Variants in IGFBP7 observed in about 807,000 individuals in gnomAD.
The protein encoded by IGFBP7 is insulin-like growth factor-binding protein 7.
IGFBP7 carries 31 observed loss-of-function variants against 29.4 expected under a neutral mutation model. The ratio of observed to expected loss-of-function variants is 1.05; its 90% confidence interval spans 0.79 to 1.42. IGFBP7 has a LOEUF of 1.42. IGFBP7 is among the 40% of genes most tolerant of loss of function. The probability of loss-of-function intolerance (pLI) is 0.00; values close to 1 mark genes in which losing one functional copy is unlikely to be tolerated. For synonymous variants in IGFBP7, 172 were observed against 174.9 expected (o/e 0.98, Z 0.13); for missense variants, 393 against 395.5 (o/e 0.99, Z 0.05).
intron 1 of IGFBP7, among the ~76,000 whole-genome samples, chr4:57,083,524 C>T (rs1289216653): frequency 6.6e-6 from 1 of 152,178 alleles, no homozygotes; most frequent in African/African-American, 2.4e-5. Context: ...CTCTTGTTTA[C>T]TACAGATATT....
rs569293336 is a variant in IGFBP7 at position 57,068,173 on chromosome 4, C to T, written c.476-27240G>A. Among the ~76,000 whole-genome samples the T allele has an allele frequency of 1.1e-4, 17 of 151,774 alleles. No individual in the cohort carries two copies. In the South Asian group the frequency reaches 3.5e-3, roughly 32 times the overall value. ...TGTGTGGATGTGCATGCCTATAGTC[C>T]TAGATACTTGGGAGGCCGAGGTGGG... is the stretch of plus-strand genomic sequence containing the variant. On this transcript the variant is annotated intron_variant, in intron 1 of 4. Transcript: ENST00000295666.
chr4:57,076,866 A>G (rs1283417191), intron 1 of IGFBP7, among the ~76,000 whole-genome samples: 2 of 152,220 alleles, frequency 1.3e-5, no homozygotes, highest in Non-Finnish European at 2.9e-5. Flanking sequence ...AACAATAAAG[A>G]GACTTCCTGA....
intron 1 of IGFBP7, among the ~76,000 whole-genome samples, chr4:57,093,073 C>T (rs544783932): frequency 1.1e-4 from 17 of 152,272 alleles, no homozygotes; most frequent in African/African-American, 3.8e-4. Context: ...ATGAATTCTA[C>T]AAATTTCCAC....
chr4:57,034,294 A>G (rs1724028248), intron 2 of IGFBP7, among the ~76,000 whole-genome samples: 1 of 152,072 alleles, frequency 6.6e-6, no homozygotes, highest in Non-Finnish European at 1.5e-5. Flanking sequence ...CGATACATAT[A>G]CATTTAGCAG....
intron 1 of IGFBP7, among the ~76,000 whole-genome samples, chr4:57,089,711 A>G (rs1725589453): frequency 6.6e-6 from 1 of 152,152 alleles, no homozygotes; most frequent in African/African-American, 2.4e-5. Context: ...CCCAGTGTCC[A>G]CCACCCCCTT....
intron 1 of IGFBP7, chr4:57,109,649 C>T: frequency 1.7e-6 from 1 of 579,778 alleles, no homozygotes; most frequent in Non-Finnish European, 2.9e-6. Context: ...TCTGGACGCA[C>T]GCAGCAAACT....
chr4:57,054,715 A>G (rs1391229124), intron 1 of IGFBP7, among the ~76,000 whole-genome samples: 1 of 151,814 alleles, frequency 6.6e-6, no homozygotes, highest in Non-Finnish European at 1.5e-5. Flanking sequence ...GAGATTCCCA[A>G]GTGATCTTCT....
chr4:57,066,570 T>G (rs544679553), intron 1 of IGFBP7, among the ~76,000 whole-genome samples: 2 of 144,128 alleles, frequency 1.4e-5, no homozygotes, highest in East Asian at 3.9e-4. Flanking sequence ...TAGTTTTAAG[T>G]TTTTTTTTTT....
chr4:57,032,348 T>C, intron 4 of IGFBP7, 78 bp downstream of exon 4: 1 of 1,563,690 alleles, frequency 6.4e-7, no homozygotes, highest in Non-Finnish European at 8.7e-7. Flanking sequence ...CTACGTCTGA[T>C]ACTTTCATAC....
At chr4:57,099,325 A>C (rs1725837424) in intron 1 of IGFBP7, among the ~76,000 whole-genome samples, 1 of 152,158 alleles carries the variant, frequency 6.6e-6, no homozygotes, top group African/African-American at 2.4e-5. Flanking sequence ...GAGTTCTCAA[A>C]CCCCTGCATG....
chr4:57,069,248 G>A (rs1365405778), intron 1 of IGFBP7, among the ~76,000 whole-genome samples: 1 of 152,106 alleles, frequency 6.6e-6, no homozygotes, highest in African/African-American at 2.4e-5. Context: ...TGCCCATTTG[G>A]GGTCTTGGGC....
chr4:57,077,317 G>A (rs752209649), intron 1 of IGFBP7, among the ~76,000 whole-genome samples: 3 of 152,076 alleles, frequency 2.0e-5, no homozygotes, highest in African/African-American at 2.4e-5. Context: ...TCTGTCTGTC[G>A]CCCAGGCTGG....
At chr4:57,058,086 A>T (rs1724715296) in intron 1 of IGFBP7, among the ~76,000 whole-genome samples, 1 of 152,082 alleles carries the variant, frequency 6.6e-6, no homozygotes, top group Non-Finnish European at 1.5e-5. Flanking sequence ...TTCACAAAAA[A>T]GTCGTGGGTA....
chr4:57,072,046 A>C (rs2109776496), intron 1 of IGFBP7, among the ~76,000 whole-genome samples: 1 of 152,166 alleles, frequency 6.6e-6, no homozygotes, highest in East Asian at 1.9e-4. Flanking sequence ...TTTGTTACAT[A>C]GGTAAATTTG....
intron 1 of IGFBP7, among the ~76,000 whole-genome samples, chr4:57,106,794 T>C (rs1054725417): frequency 2.6e-5 from 4 of 152,220 alleles, no homozygotes; most frequent in Admixed American, 2.6e-4. Context: ...AGCATCATGT[T>C]CTCTTCCAAC....
At chr4:57,094,229 A>C (rs908143310) in intron 1 of IGFBP7, among the ~76,000 whole-genome samples, 1 of 152,096 alleles carries the variant, frequency 6.6e-6, no homozygotes, top group Non-Finnish European at 1.5e-5. Context: ...GAATTATTAT[A>C]ATTTTCCACT....
At chr4:57,051,512 A>T (rs1192810615) in intron 1 of IGFBP7, among the ~76,000 whole-genome samples, 2 of 152,236 alleles carry the variant, frequency 1.3e-5, no homozygotes, top group African/African-American at 4.8e-5. Flanking sequence ...AGTTTATAAT[A>T]ATGGGACCCT....
chr4:57,096,670 G>A (rs564626669), intron 1 of IGFBP7, among the ~76,000 whole-genome samples: 1 of 152,256 alleles, frequency 6.6e-6, no homozygotes, highest in South Asian at 2.1e-4. Flanking sequence ...GCTGGCGATG[G>A]TGGATCTGAA....
At chr4:57,070,174 G>A (rs914794298) in intron 1 of IGFBP7, among the ~76,000 whole-genome samples, 4 of 152,198 alleles carry the variant, frequency 2.6e-5, no homozygotes, top group East Asian at 1.9e-4. Flanking sequence ...TCTTAAGTGA[G>A]TCTTTCCTCT....
Sources: allele counts gnomAD v4.1 joint callset (sites outside exome capture counted in the v4.1 genomes callset), GRCh38; gene constraint gnomAD v4.1.1; transcripts MANE v1.5; gene names NCBI Gene and HGNC (gene_info 2026-07-23, HGNC 2026-07-21).